The following SLC26A11 variants were observed in gnomAD, a reference collection of about 807,000 sequenced individuals.
SLC26A11 encodes the protein solute carrier family 26 member 11.
SLC26A11 carries 58 observed loss-of-function variants against 62.2 expected under a neutral mutation model. The observed-to-expected ratio is 0.93, with a 90% confidence interval of 0.76 to 1.16. The LOEUF (loss-of-function observed/expected upper bound fraction) is 1.16, where lower values mean the gene tolerates loss of function less well. Ranked by LOEUF, SLC26A11 falls within the 50% of genes most tolerant of loss-of-function variation. SLC26A11 has a pLI of 0.00. For synonymous variants in SLC26A11, 411 were observed against 368.9 expected, an observed-to-expected ratio of 1.11 and a Z score of -1.31; for missense variants, 790 against 794.3, an observed-to-expected ratio of 0.99 and a Z score of 0.06.
At chr17:80,237,282 C>A in intron 8 of SLC26A11, 179 bp downstream of exon 8, 1 of 845,686 alleles carries the variant, frequency 1.2e-6, no homozygotes, top group Non-Finnish European at 1.8e-6. Flanking sequence ...ACTCAGCGAG[C>A]TCAGGGATGT....
rs1456340610 is a variant in SLC26A11 at position 80,248,222 on chromosome 17, A to G, written c.1387A>G (p.Met463Val). ...ILAGALVSLLMLLHSAARPET... is the reference protein window; with the variant it reads ...ILAGALVSLLVLLHSAARPET... ...GGCCGGGGCCCTGGTGTCTCTGCTC[A>G]TGCTCCTGCACTCTGCAGCCAGGCC... The change falls in exon 14 of 18, where the codon ATG becomes GTG. Residue 463 changes from methionine to valine, a missense_variant. Coordinates refer to ENST00000361193, the MANE Select transcript of SLC26A11 (RefSeq NM_001166347.2). 1 of 1,609,636 alleles carries G rather than the reference A, an allele frequency of 6.2e-7. No individual in the cohort carries two copies. The highest frequency in any genetic ancestry group is 1.1e-5 in the South Asian group (1 of 90,712).
At chr17:80,224,436 G>GAGA (rs2042340503) in intron 5 of SLC26A11, among the ~76,000 whole-genome samples, 1 of 97,334 alleles carries the variant, frequency 1.0e-5, no homozygotes, top group African/African-American at 4.6e-5. Context: ...AGTGGGTGTG[G>GAGA]GTGTGAGAGT....
In SLC26A11 at chr17:80,249,151, C is replaced by T. The variant is rs2043091787; in HGVS notation, c.1523-3C>T. On this transcript the variant is annotated splice_region_variant and splice_polypyrimidine_tract_variant and intron_variant, in intron 15 of 17. Transcript: ENST00000361193. ...GTGACCTGGCTCGGGCCTGTCTCCC[C>T]AGTGTCCCCGCCACGCTGCCTGGTC... The T allele has an allele frequency of 6.2e-7, 1 of 1,604,836 alleles. No homozygotes were observed. The highest frequency in any genetic ancestry group is 2.2e-5 in the East Asian group (1 of 44,778).
chr17:80,222,762 C>CTACA lies in SLC26A11; in HGVS notation c.343_346dup (p.Thr116IlefsTer5). On this transcript the variant is annotated frameshift_variant, in exon 4 of 18. Transcript: ENST00000361193. LOFTEE classifies it high-confidence loss of function. The surrounding 1 kb of genome is among the most constrained non-coding windows in gnomAD (Gnocchi z 4.7). ...CCATTATGTCCCTCCTGGTCTCCTT[C>CTACA]TACACCTTCCATGAGCCCGCCTACG... The CTACA allele has an allele frequency of 1.2e-6, 2 of 1,614,104 alleles. No individual in the cohort carries two copies. Among genetic ancestry groups the CTACA allele is most frequent in the East Asian group, 4.5e-5 (2 of 44,890 alleles).
At chr17:80,241,483 C>G (rs2042858447) in intron 9 of SLC26A11, among the ~76,000 whole-genome samples, 1 of 152,082 alleles carries the variant, frequency 6.6e-6, no homozygotes, top group South Asian at 2.1e-4. Context: ...TGGTCTCGAA[C>G]TCCTGGGCTC....
intron 9 of SLC26A11, among the ~76,000 whole-genome samples, chr17:80,238,562 C>T (rs1246686644): frequency 1.3e-5 from 2 of 152,144 alleles, no homozygotes; most frequent in Non-Finnish European, 2.9e-5. Flanking sequence ...CCTTGCAGCT[C>T]CGTCCTTCAC....
In SLC26A11 at chr17:80,225,893, C is replaced by T; in HGVS notation, c.570C>T (p.Thr190=). ...CGTTCTTCCTGCAGGTGTACCACAC[C>T]TTCCTCAGGATTGCAGAGACCAGGT... ...PRPFFLQVYH[T]FLRIAETRVG... Residue 190 remains threonine, a synonymous_variant, in exon 6 of 18, where the codon ACC becomes ACT. Transcript: ENST00000361193. 6.2e-7 allele frequency: 1 copy of T among 1,614,032 alleles called. No individual in the cohort carries two copies. The highest frequency in any genetic ancestry group is 8.5e-7 in the Non-Finnish European group (1 of 1,179,936).
intron 7 of SLC26A11, among the ~76,000 whole-genome samples, chr17:80,232,838 G>GT (rs2042597254): frequency 6.6e-6 from 1 of 151,990 alleles, no homozygotes; most frequent in African/African-American, 2.4e-5. Flanking sequence ...CTGATTAGCT[G>GT]TAACGGCTAT....
In SLC26A11 at chr17:80,228,259, A is replaced by G. The variant is rs2042467365; in HGVS notation, c.736+299A>G. Among the ~76,000 whole-genome samples, 1 of 152,054 alleles carries G rather than the reference A, an allele frequency of 6.6e-6. No homozygotes were observed. The highest frequency in any genetic ancestry group is 1.5e-5 in the Non-Finnish European group (1 of 68,012). ...GTGATTCTCCTGCCTCAGCCTCCTG[A>G]GTAGCTGGGATTACAGGCGCATGCC... On this transcript the variant is annotated intron_variant, in intron 7 of 17. Transcript: ENST00000361193. The surrounding 1 kb of genome is among the most constrained non-coding windows in gnomAD (Gnocchi z 4.1).
chr17:80,238,742 C>G (rs1329197830), intron 9 of SLC26A11, among the ~76,000 whole-genome samples: 1 of 152,060 alleles, frequency 6.6e-6, no homozygotes, highest in African/African-American at 2.4e-5. Flanking sequence ...ACTGCCTAGC[C>G]CAGGCTGTGC....
Position 80,222,594 on chromosome 17 carries a change from A to G in SLC26A11, c.235-61A>G, listed in dbSNP as rs1306299237. On this transcript the variant is annotated intron_variant, in intron 3 of 17. Transcript: ENST00000361193. The surrounding 1 kb of genome is among the most constrained non-coding windows in gnomAD (Gnocchi z 4.7). ...ACACATCCCGAGCTTGGACACGCAC[A>G]CTAGGGAGCTGGTGGATGGGCCTCG... 17 of 1,538,966 alleles carry G rather than the reference A, an allele frequency of 1.1e-5. No individual in the cohort carries two copies. The highest frequency in any genetic ancestry group is 1.7e-5 in the Admixed American group (1 of 58,174).
Position 80,247,813 on chromosome 17 carries a change from A to G in SLC26A11, c.1295-317A>G, listed in dbSNP as rs542571378. Among the ~76,000 whole-genome samples the G allele has an allele frequency of 1.4e-3, 206 of 152,284 alleles. 1 individual carries two copies. The highest frequency in any genetic ancestry group is 1.4e-3 in the Non-Finnish European group (95 of 68,024). On this transcript the variant is annotated intron_variant, in intron 13 of 17. Transcript: ENST00000361193. ...CTCCTTGGCCAGGTCTCAAGGGCTC[A>G]CGTGGTCCCTGCCCCACTCCTCAGG... is the stretch of plus-strand genomic sequence containing the variant.
chr17:80,243,513 T>C (rs2042917689), intron 10 of SLC26A11, among the ~76,000 whole-genome samples: 1 of 152,190 alleles, frequency 6.6e-6, no homozygotes, highest in Admixed American at 6.5e-5. Context: ...TTCTCCTGCC[T>C]CAGCCTCCTG....
At chr17:80,224,409 G>A (rs1220179037) in intron 5 of SLC26A11, among the ~76,000 whole-genome samples, 1 of 145,014 alleles carries the variant, frequency 6.9e-6, no homozygotes, top group Admixed American at 7.2e-5. Context: ...GTGTGAGAGT[G>A]AGTGTGAGTG....
Position 80,241,838 on chromosome 17 carries a change from G to A in SLC26A11, c.1036+17G>A, listed in dbSNP as rs200608083. ...TGGCCATCGGTAAGACCCCAGCCGCGGGAAGGAAGACACCAGCTGTGGGCC... is the reference window on the plus strand; with the variant it reads ...TGGCCATCGGTAAGACCCCAGCCGCAGGAAGGAAGACACCAGCTGTGGGCC... On this transcript the variant is annotated intron_variant, in intron 10 of 17. Coordinates refer to ENST00000361193, the MANE Select transcript of SLC26A11 (RefSeq NM_001166347.2). 2.8e-4 allele frequency: 447 copies of A among 1,614,102 alleles called. 2 individuals carry two copies. Among genetic ancestry groups the A allele is most frequent in the Middle Eastern group, 1.6e-4 (1 of 6,062 alleles).
At chr17:80,225,087 G>C (rs2042371428) in intron 5 of SLC26A11, among the ~76,000 whole-genome samples, 1 of 152,148 alleles carries the variant, frequency 6.6e-6, no homozygotes, top group Admixed American at 6.5e-5. Flanking sequence ...GTGGATCCCA[G>C]CTACGTGGGA....
At chr17:80,236,779 T>G in intron 7 of SLC26A11, 149 bp from the exon 8 acceptor site, 1 of 793,160 alleles carries the variant, frequency 1.3e-6, no homozygotes, top group Non-Finnish European at 2.0e-6. Flanking sequence ...TATGTCTGTG[T>G]TGTGTTTCCC....
Position 80,224,379 on chromosome 17 carries a change from G to A in SLC26A11, c.513+1042G>A, listed in dbSNP as rs528362390. 4.8e-3 allele frequency among the ~76,000 whole-genome samples: 712 copies of A among 149,638 alleles called. 7 individuals carry two copies. Among genetic ancestry groups the A allele is most frequent in the African/African-American group, 0.015 (632 of 40,800 alleles). Reference sequence around the variant, plus strand: ...GGTGTGAGGGAGTGTGAGTGCGCGCGCGCGTGTGTGAGTGTATGAGTGTGA... The same window carrying A: ...GGTGTGAGGGAGTGTGAGTGCGCGCACGCGTGTGTGAGTGTATGAGTGTGA... On this transcript the variant is annotated intron_variant, in intron 5 of 17. Transcript: ENST00000361193.
chr17:80,247,001 G>T (rs559561038), intron 13 of SLC26A11, among the ~76,000 whole-genome samples: 2 of 151,822 alleles, frequency 1.3e-5, no homozygotes, highest in Admixed American at 1.3e-4. Flanking sequence ...GACGTCCCTG[G>T]TGACCAGCAG....
Sources: allele counts gnomAD v4.1 joint callset (sites outside exome capture counted in the v4.1 genomes callset), GRCh38; gene constraint gnomAD v4.1.1; non-coding constraint Gnocchi (gnomAD v3.1); transcripts MANE v1.5; gene names NCBI Gene and HGNC (gene_info 2026-07-23, HGNC 2026-07-21).